AP3D1: variants seen among roughly 807,000 people sequenced by gnomAD.
The protein encoded by AP3D1 is AP-3 complex subunit delta-1.
AP3D1 carries 51 observed loss-of-function variants against 147.6 expected under a neutral mutation model. The ratio of observed to expected loss-of-function variants is 0.35; its 90% CI spans 0.28 to 0.44. AP3D1 has a LOEUF of 0.44. Among genes scored for constraint, AP3D1 ranks in the 20% least tolerant of loss-of-function variants. AP3D1 has a pLI of 1.00. For missense variants in AP3D1, 1,421 were observed against 1,624.2 expected (o/e 0.87, Z 2.15); for synonymous variants, 760 against 663.0 (o/e 1.15, Z -2.25).
At chr19:2,136,798 C>T (rs1294672938) in intron 4 of AP3D1, among the ~76,000 whole-genome samples, 1 of 152,212 alleles carries the variant, frequency 6.6e-6, no homozygotes, top group East Asian at 1.9e-4. Flanking sequence ...CTCAGCATCC[C>T]TCCACCTCAC....
chr19:2,129,573 G>T, intron 6 of AP3D1, 116 bp from the exon 7 acceptor site: 1 of 1,307,288 alleles, frequency 7.6e-7, no homozygotes, highest in Non-Finnish European at 1.0e-6. Flanking sequence ...ACTGAACATG[G>T]CCCTGGCTCT....
chr19:2,113,184 T>C, intron 23 of AP3D1, 152 bp downstream of exon 23: 1 of 631,522 alleles, frequency 1.6e-6, no homozygotes, highest in Non-Finnish European at 2.8e-6. Flanking sequence ...CCCGGGAGCA[T>C]GACCCCGGCT....
intron 15 of AP3D1, 109 bp downstream of exon 15, chr19:2,118,492 T>A: frequency 1.9e-6 from 2 of 1,072,238 alleles, no homozygotes; most frequent in Non-Finnish European, 2.6e-6. Context: ...AGAATCTCAG[T>A]GAGTGGCTTC....
rs1397571846 is a variant in AP3D1, at chr19:2,108,935, C to T, written c.3472+151G>A. On this transcript the variant is annotated intron_variant, in intron 30 of 31. Transcript: ENST00000643116. ...GGGTGTGGGGAATGCAGCCCCCGCA[C>T]CAGCTCCCAGGCCTCGGGGCCACCA... The T allele has an allele frequency of 3.7e-6, 5 of 1,362,674 alleles. No individual in the cohort carries two copies. In the African/African-American group the frequency reaches 7.4e-5, roughly 20 times the overall value. The allele number at this position is 1,362,674 out of a possible 1,614,324, so 84.4% of individuals were successfully genotyped here.
intron 15 of AP3D1, among the ~76,000 whole-genome samples, chr19:2,118,398 G>A (rs530269738): frequency 5.9e-5 from 9 of 152,330 alleles, no homozygotes; most frequent in Non-Finnish European, 1.0e-4. Context: ...ACCTGCCCCA[G>A]TCCTACTGAC....
At chr19:2,138,553 G>C (rs140044466) in intron 2 of AP3D1, 66 bp downstream of exon 2, 186 of 1,207,138 alleles carry the variant, frequency 1.5e-4, no homozygotes, top group Non-Finnish European at 2.2e-4. Context: ...CTGATGAATA[G>C]GGGACACGTG....
At chr19:2,110,679 G>A (rs753803636) in intron 27 of AP3D1, 28 bp downstream of exon 27, 2 of 1,554,968 alleles carry the variant, frequency 1.3e-6, no homozygotes, top group African/African-American at 1.4e-5. Flanking sequence ...CAGTCCCCAG[G>A]AGAGGCCGTG....
chr19:2,135,226 C>A (rs1487748813), intron 4 of AP3D1, among the ~76,000 whole-genome samples: 3 of 151,082 alleles, frequency 2.0e-5, no homozygotes, highest in Non-Finnish European at 3.0e-5. Flanking sequence ...CAAAACAAAA[C>A]AAAAAAATAA....
At chr19:2,136,104 G>A (rs575016473) in intron 4 of AP3D1, among the ~76,000 whole-genome samples, 69 of 152,208 alleles carry the variant, frequency 4.5e-4, no homozygotes, top group African/African-American at 1.5e-3. Context: ...CCTGCTACAT[G>A]GCCATGACCC....
At chr19:2,104,294 G>T (rs922092518) in intron 31 of AP3D1, among the ~76,000 whole-genome samples, 7 of 130,864 alleles carry the variant, frequency 5.3e-5, no homozygotes, top group African/African-American at 2.0e-4. Context: ...AGACCCCAAC[G>T]CCAAGACACC....
Position 2,140,167 on chromosome 19 carries a change from A to T in AP3D1, c.97-1453T>A, listed in dbSNP as rs192457248. Among the ~76,000 whole-genome samples the T allele has an allele frequency of 1.7e-3, 263 of 152,184 alleles. 3 individuals are homozygous for T. The highest frequency in any genetic ancestry group is 5.2e-3 in the African/African-American group (218 of 41,526). On this transcript the variant is annotated intron_variant, in intron 1 of 31. Coordinates refer to ENST00000643116, the MANE Select transcript of AP3D1 (RefSeq NM_001261826.3). The stretch of plus-strand genomic sequence containing the variant: ...GGTCAGGACTGTTGATTTAAAAGGA[A>T]AAGAACAAAAAGACCATCCCAGGCG...
intron 24 of AP3D1, 80 bp downstream of exon 24, chr19:2,112,780 C>T (rs907224442): frequency 1.5e-5 from 17 of 1,162,348 alleles, no homozygotes; most frequent in Middle Eastern, 2.1e-4. Context: ...ACCTGGGTGG[C>T]GGAAGCTGTG....
At chr19:2,131,581 G>A (rs34656710) in intron 5 of AP3D1, among the ~76,000 whole-genome samples, 13,552 of 86,308 alleles carry the variant, frequency 0.16, 3,715 homozygotes, top group Non-Finnish European at 0.26. Flanking sequence ...CATCGGCCAC[G>A]ATCTAGACAC....
chr19:2,106,905 C>A (rs376764936), intron 31 of AP3D1, among the ~76,000 whole-genome samples: 2 of 151,946 alleles, frequency 1.3e-5, no homozygotes, highest in South Asian at 4.2e-4. Context: ...GGGGAGGCAA[C>A]GGGGAGTGAG....
intron 14 of AP3D1, 86 bp from the exon 15 acceptor site, chr19:2,118,918 G>A (rs927410861): frequency 3.4e-5 from 43 of 1,273,442 alleles, no homozygotes; most frequent in East Asian, 7.5e-5. Flanking sequence ...GCCTGGGCTC[G>A]TCACCAACAA....
intron 1 of AP3D1, among the ~76,000 whole-genome samples, chr19:2,157,165 G>A (rs982127124): frequency 2.0e-5 from 3 of 150,752 alleles, no homozygotes; most frequent in Admixed American, 1.3e-4. Flanking sequence ...ACATCTGGCC[G>A]GGTGCGGTGG....
chr19:2,114,801 C>G lies in AP3D1; in HGVS notation c.2370G>C (p.Glu790Asp). 1 of 1,614,082 alleles carries G rather than the reference C, an allele frequency of 6.2e-7. No individual in the cohort carries two copies. The highest frequency in any genetic ancestry group is 1.6e-4 in the Middle Eastern group (1 of 6,062). ...AGGGGTCGTTGGGGTCTTTGTCATC[C>G]TCGTCGCTGGGCAGAGCATTCTGAC... is the stretch of plus-strand genomic sequence containing the variant. Reference protein sequence around the residue: ...EMPENALPSDEDDKDPNDPYR... With the variant: ...EMPENALPSDDDDKDPNDPYR... Residue 790 changes from glutamate (E) to aspartate (D), a missense_variant, in exon 21 of 32, where the codon GAG becomes GAC. Physicochemically the swap from Glu to Asp is conservative, Grantham distance 45 (BLOSUM62 2). Transcript: ENST00000643116.
At chr19:2,149,516 C>A (rs1568310479) in intron 1 of AP3D1, among the ~76,000 whole-genome samples, 1 of 148,560 alleles carries the variant, frequency 6.7e-6, no homozygotes, top group Non-Finnish European at 1.5e-5. Context: ...GCACTCCGGC[C>A]TGGGCAACAA....
Position 2,136,982 on chromosome 19 carries a change from C to T in AP3D1, c.354+29G>A, listed in dbSNP as rs1481702668. ...CGGCAAGGGCAGACTGCACTCAGCA[C>T]AGAGCGGCCCCGGCCCGGGAACACC... On this transcript the variant is annotated intron_variant, in intron 4 of 31. Transcript: ENST00000643116. 3.2e-6 allele frequency: 5 copies of T among 1,557,390 alleles called. No homozygotes were observed. The East Asian group carries it at 1.2e-4, about 38-fold the overall frequency.
Sources: allele counts gnomAD v4.1 joint callset (sites outside exome capture counted in the v4.1 genomes callset), GRCh38; gene constraint gnomAD v4.1.1; transcripts MANE v1.5; gene names NCBI Gene and HGNC (gene_info 2026-07-23, HGNC 2026-07-21).